ANKRD30B: variants seen among roughly 807,000 people sequenced by gnomAD.
ANKRD30B encodes ankyrin repeat domain 30B, also known as ankyrin repeat domain-containing protein 30B.
In ANKRD30B, 144 loss-of-function variants were observed where a neutral mutation model predicts 202.2. The observed-to-expected ratio is 0.71, with a 90% CI of 0.62 to 0.82. The LOEUF (loss-of-function observed/expected upper bound fraction) is 0.82. Ranked by LOEUF, ANKRD30B falls within the 40% of genes least tolerant of loss-of-function variation. The pLI is 0.00. For synonymous variants in ANKRD30B, 508 were observed against 561.3 expected (o/e 0.91, Z 1.34); for missense variants, 1,487 against 1,669.1 (o/e 0.89, Z 1.90).
intron 18 of ANKRD30B, 132 bp downstream of exon 18, chr18:14,796,547 T>G: frequency 8.5e-7 from 1 of 1,171,606 alleles, no homozygotes; most frequent in Admixed American, 2.9e-5. Context: ...ATAATGCCAA[T>G]GTTAGCATTT....
At chr18:14,836,728 G>A (rs971843696) in intron 34 of ANKRD30B, among the ~76,000 whole-genome samples, 5 of 152,018 alleles carry the variant, frequency 3.3e-5, no homozygotes, top group African/African-American at 7.2e-5. Flanking sequence ...TGCTCTGACT[G>A]TGTTCCAGTT....
At chr18:14,908,757 C>T in the ANKRD30B span, among the ~76,000 whole-genome samples, 132 of 152,300 alleles carry the variant, frequency 8.7e-4, no homozygotes, top group African/African-American at 3.0e-3. Flanking sequence ...GGGGCCAATG[C>T]TGGGAGAGAA....
chr18:14,837,896 G>T (rs1223523893), intron 36 of ANKRD30B, among the ~76,000 whole-genome samples: 1 of 152,126 alleles, frequency 6.6e-6, no homozygotes, highest in Non-Finnish European at 1.5e-5. Flanking sequence ...GGCACCTGTA[G>T]TCCCAGCTAT....
At chr18:14,763,554 A>C in intron 6 of ANKRD30B, 132 bp from the exon 7 acceptor site, 3 of 1,315,068 alleles carry the variant, frequency 2.3e-6, no homozygotes, top group Non-Finnish European at 3.1e-6. Flanking sequence ...CATCAAAAAA[A>C]AGAGAAGAGA....
At chr18:14,758,824 A>T (rs887394350) in intron 5 of ANKRD30B, among the ~76,000 whole-genome samples, 1 of 152,200 alleles carries the variant, frequency 6.6e-6, no homozygotes, top group Non-Finnish European at 1.5e-5. Flanking sequence ...TGTTACAGGA[A>T]GAAATTAGAG....
At chr18:14,879,192 C>G in the ANKRD30B span, among the ~76,000 whole-genome samples, 1 of 152,144 alleles carries the variant, frequency 6.6e-6, no homozygotes, top group Non-Finnish European at 1.5e-5. Context: ...GTTTGCAGCC[C>G]TGAATAATCA....
intron 9 of ANKRD30B, 122 bp downstream of exon 9, chr18:14,772,350 C>A: frequency 3.9e-6 from 2 of 511,912 alleles, no homozygotes; most frequent in Non-Finnish European, 6.2e-6. Context: ...CAGATAAAAA[C>A]ATTTTATAGA....
chr18:14,777,326 T>C (rs1967419877), intron 9 of ANKRD30B, among the ~76,000 whole-genome samples: 1 of 151,838 alleles, frequency 6.6e-6, no homozygotes, highest in Non-Finnish European at 1.5e-5. Context: ...TGAGACAGAG[T>C]CTTGCTCCGT....
In ANKRD30B at chr18:14,850,492, G is replaced by A. The variant is rs550698677; in HGVS notation, c.3564+110G>A. On this transcript the variant is annotated intron_variant, in intron 41 of 43. Transcript: ENST00000690538. The stretch of plus-strand genomic sequence containing the variant: ...TTATTCAGGTCTAAATCAAAGAAAA[G>A]TATTGTCTTAAAATTAACTATGACT... 1.6e-4 allele frequency: 182 copies of A among 1,142,202 alleles called. 3 individuals carry two copies. The South Asian group carries it at 3.5e-3, about 22-fold the overall frequency. 70.8% of individuals were successfully genotyped at this position (1,142,202 alleles called of 1,614,324 possible).
downstream of ANKRD30B, among the ~76,000 whole-genome samples, chr18:14,855,308 C>T (rs1353598487): frequency 1.3e-5 from 2 of 152,224 alleles, no homozygotes; most frequent in African/African-American, 4.8e-5. Context: ...CTACTTCTTT[C>T]TACACAGACA....
At chr18:14,836,373 A>G (rs1440019255) in intron 34 of ANKRD30B, among the ~76,000 whole-genome samples, 1 of 152,132 alleles carries the variant, frequency 6.6e-6, no homozygotes, top group Non-Finnish European at 1.5e-5. Context: ...AAGCACTTCA[A>G]CCGGCACTTC....
chr18:14,929,181 G>A, the ANKRD30B span, among the ~76,000 whole-genome samples: 1 of 152,172 alleles, frequency 6.6e-6, no homozygotes, highest in Middle Eastern at 3.2e-3. Context: ...GAGGAGTCGT[G>A]TGCCTCCAAA....
At chr18:14,864,402 C>T in the ANKRD30B span, among the ~76,000 whole-genome samples, 1 of 152,132 alleles carries the variant, frequency 6.6e-6, no homozygotes, top group Admixed American at 6.5e-5. Flanking sequence ...ATTATTTTTT[C>T]TGAGCAGAGT....
chr18:14,837,774 A>C, intron 36 of ANKRD30B, 98 bp downstream of exon 36: 1 of 1,251,638 alleles, frequency 8.0e-7, no homozygotes, highest in East Asian at 2.7e-5. Flanking sequence ...ACCTCTGATT[A>C]TGTCCATAAG....
chr18:14,905,739 A>C, the ANKRD30B span: 1 of 152,156 alleles, frequency 6.6e-6, no homozygotes, highest in Non-Finnish European at 1.5e-5. Flanking sequence ...ATGTCAGATA[A>C]ATATATTTTG....
At chr18:14,772,594 C>G (rs1365013710) in intron 9 of ANKRD30B, among the ~76,000 whole-genome samples, 1 of 151,602 alleles carries the variant, frequency 6.6e-6, no homozygotes, top group Non-Finnish European at 1.5e-5. Context: ...TCTTTTGTAA[C>G]TTAAAACAAA....
At chr18:14,854,872 CA>C, downstream of ANKRD30B, among the ~76,000 whole-genome samples, 1 of 151,776 alleles carries the variant, frequency 6.6e-6, no homozygotes, top group East Asian at 1.9e-4. Context: ...CACACACACA[CA>C]CACACACGCT....
chr18:14,800,638 A>G (rs1356113476), intron 22 of ANKRD30B, among the ~76,000 whole-genome samples: 1 of 147,586 alleles, frequency 6.8e-6, no homozygotes, highest in South Asian at 2.2e-4. Flanking sequence ...GTCTTTTTAC[A>G]CTAGTACCAT....
chr18:14,809,638 C>A (rs1969790292), intron 26 of ANKRD30B, among the ~76,000 whole-genome samples: 1 of 150,872 alleles, frequency 6.6e-6, no homozygotes, highest in Non-Finnish European at 1.5e-5. Context: ...GATGCAAAAC[C>A]TCCCTGACTG....
Sources: allele counts gnomAD v4.1 joint callset (sites outside exome capture counted in the v4.1 genomes callset), GRCh38; gene constraint gnomAD v4.1.1; transcripts MANE v1.5; gene names NCBI Gene and HGNC (gene_info 2026-07-23, HGNC 2026-07-21).